Variants in ERC2 observed in about 807,000 individuals in gnomAD.
The protein encoded by ERC2 is ERC protein 2.
ERC2 carries 42 observed loss-of-function variants against 114.8 expected under a neutral mutation model. The ratio of observed to expected loss-of-function variants is 0.37; its 90% CI spans 0.29 to 0.47. The LOEUF (loss-of-function observed/expected upper bound fraction) is 0.47, where lower values mean the gene tolerates loss of function less well. Among genes scored for constraint, ERC2 ranks in the 20% least tolerant of loss-of-function variants. ERC2 has a pLI of 0.99. For missense variants in ERC2, 939 were observed against 1,150.7 expected, an observed-to-expected ratio of 0.82 and a Z score of 2.66; for synonymous variants, 454 against 425.5, an observed-to-expected ratio of 1.07 and a Z score of -0.82.
At chr3:55,939,857 T>C (rs2066671620) in intron 13 of ERC2, among the ~76,000 whole-genome samples, 1 of 152,250 alleles carries the variant, frequency 6.6e-6, no homozygotes, top group African/African-American at 2.4e-5. Flanking sequence ...GTGTATCTTG[T>C]GTCCAGACTG....
intron 3 of ERC2, among the ~76,000 whole-genome samples, chr3:56,282,880 T>C (rs1320545685): frequency 3.3e-5 from 5 of 152,198 alleles, no homozygotes; most frequent in African/African-American, 1.2e-4. Flanking sequence ...CTCTATGCAA[T>C]ACACATTTGT....
intron 12 of ERC2, chr3:55,955,167 T>C: frequency 1.9e-6 from 1 of 516,598 alleles, no homozygotes; most frequent in Non-Finnish European, 3.9e-6. Context: ...CACCAGTCTA[T>C]AAAAACAGTG....
chr3:55,996,736 T>G (rs1259953385), intron 10 of ERC2, among the ~76,000 whole-genome samples: 4 of 152,184 alleles, frequency 2.6e-5, no homozygotes, highest in South Asian at 2.1e-4. Context: ...TTTGAAAGCC[T>G]AGATCAGGCA....
intron 3 of ERC2, among the ~76,000 whole-genome samples, chr3:56,285,373 C>T (rs2054627891): frequency 6.6e-6 from 1 of 151,680 alleles, no homozygotes; most frequent in Non-Finnish European, 1.5e-5. Flanking sequence ...AGTGTAAGTG[C>T]TAATTGCATC....
chr3:56,119,824 G>A (rs1304356038), intron 6 of ERC2, among the ~76,000 whole-genome samples: 1 of 152,210 alleles, frequency 6.6e-6, no homozygotes, highest in African/African-American at 2.4e-5. Context: ...GTAATGAAAT[G>A]ATATGACAGA....
In ERC2 at chr3:56,414,970, G is replaced by A. The variant is rs1271208309; in HGVS notation, c.657+19381C>T. ...CACGGAGAGACAATGTCCTACGTAAGGTAAGCAGCAATGCTTAGCTCCAGC... is the reference window on the plus strand; with the variant it reads ...CACGGAGAGACAATGTCCTACGTAAAGTAAGCAGCAATGCTTAGCTCCAGC... On this transcript the variant is annotated intron_variant, in intron 2 of 17. Coordinates refer to ENST00000288221, the MANE Select transcript of ERC2 (RefSeq NM_015576.3). Among the ~76,000 whole-genome samples the A allele has an allele frequency of 2.0e-5, 3 of 152,332 alleles. No homozygotes were observed. In the East Asian group the frequency reaches 5.8e-4, roughly 29 times the overall value.
chr3:56,196,950 T>A (rs2048145112), intron 3 of ERC2, among the ~76,000 whole-genome samples: 1 of 151,976 alleles, frequency 6.6e-6, no homozygotes, highest in Admixed American at 6.6e-5. Context: ...GCCTTCAGAG[T>A]CATATTTCAC....
intron 7 of ERC2, among the ~76,000 whole-genome samples, chr3:56,076,355 C>T (rs116201932): frequency 0.013 from 1,917 of 152,142 alleles, 36 homozygotes; most frequent in African/African-American, 0.042. Context: ...TGAATTTGAT[C>T]GGGTTCAAAT....
At chr3:56,277,730 A>G (rs2054092694) in intron 3 of ERC2, among the ~76,000 whole-genome samples, 1 of 136,542 alleles carries the variant, frequency 7.3e-6, no homozygotes, top group South Asian at 2.7e-4. Flanking sequence ...AGCCTGATTA[A>G]AAAACAAGCC....
chr3:55,898,124 C>T (rs377220296), intron 13 of ERC2, among the ~76,000 whole-genome samples: 10 of 152,266 alleles, frequency 6.6e-5, no homozygotes, highest in African/African-American at 1.9e-4. Context: ...AAAATACATA[C>T]ATCTGACTTA....
At chr3:56,308,818 C>T (rs1018281887) in intron 2 of ERC2, among the ~76,000 whole-genome samples, 1 of 151,970 alleles carries the variant, frequency 6.6e-6, no homozygotes, top group Non-Finnish European at 1.5e-5. Flanking sequence ...TAAATCCATA[C>T]TCCTTCTCAA....
At chr3:56,236,579 G>A (rs1235852529) in intron 3 of ERC2, among the ~76,000 whole-genome samples, 1 of 152,162 alleles carries the variant, frequency 6.6e-6, no homozygotes, top group Non-Finnish European at 1.5e-5. Flanking sequence ...AGTTGTTTCA[G>A]ATCCTAGGCT....
intron 12 of ERC2, among the ~76,000 whole-genome samples, chr3:55,953,204 C>CAA (rs10575146): frequency 1.3e-3 from 181 of 140,528 alleles, no homozygotes; most frequent in Middle Eastern, 3.7e-3. Flanking sequence ...AACTCCATCT[C>CAA]AAAAAAAAAA....
chr3:55,676,197 A>G (rs1288797632), intron 17 of ERC2, among the ~76,000 whole-genome samples: 1 of 151,652 alleles, frequency 6.6e-6, no homozygotes, highest in Non-Finnish European at 1.5e-5. Flanking sequence ...TGCTTGGATT[A>G]CAGGTGTGAG....
At chr3:55,685,898 T>C (rs952931616) in intron 16 of ERC2, among the ~76,000 whole-genome samples, 2 of 152,178 alleles carry the variant, frequency 1.3e-5, no homozygotes, top group Non-Finnish European at 2.9e-5. Flanking sequence ...ATATATACAT[T>C]CATTTTGTTC....
chr3:55,593,487 C>T (rs2057995835), intron 17 of ERC2, among the ~76,000 whole-genome samples: 1 of 152,214 alleles, frequency 6.6e-6, no homozygotes, highest in Non-Finnish European at 1.5e-5. Context: ...TCTCCAATTT[C>T]AGATGGTACT....
chr3:55,926,001 T>C (rs1252106494), intron 13 of ERC2, among the ~76,000 whole-genome samples: 2 of 152,224 alleles, frequency 1.3e-5, no homozygotes, highest in Non-Finnish European at 2.9e-5. Flanking sequence ...GGAGGGAATT[T>C]TAGCAAGTAC....
intron 7 of ERC2, among the ~76,000 whole-genome samples, chr3:56,049,233 T>C (rs1462488288): frequency 6.6e-6 from 1 of 152,144 alleles, no homozygotes; most frequent in African/African-American, 2.4e-5. Context: ...GGTGAGCGCA[T>C]GCTAAGGACA....
chr3:56,458,377 A>T (rs191314992), intron 1 of ERC2, among the ~76,000 whole-genome samples: 1 of 152,310 alleles, frequency 6.6e-6, no homozygotes, highest in East Asian at 1.9e-4. Context: ...GGTCAGTGCT[A>T]TGTCTCTGTA....
Sources: allele counts gnomAD v4.1 joint callset (sites outside exome capture counted in the v4.1 genomes callset), GRCh38; gene constraint gnomAD v4.1.1; transcripts MANE v1.5; gene names NCBI Gene and HGNC (gene_info 2026-07-23, HGNC 2026-07-21).